The following AFG3L2 variants were observed in gnomAD, a reference collection of about 807,000 sequenced individuals.
AFG3L2 encodes mitochondrial inner membrane m-AAA protease component AFG3L2.
In AFG3L2, 54 loss-of-function variants were observed where a neutral mutation model predicts 94.5. The observed-to-expected ratio is 0.57, with a 90% CI of 0.46 to 0.72. The LOEUF (loss-of-function observed/expected upper bound fraction) is 0.72, where lower values mean the gene tolerates loss of function less well. AFG3L2 is among the 30% of genes least tolerant of loss of function. The probability of loss-of-function intolerance (pLI) is 0.00; values close to 1 mark genes in which losing one functional copy is unlikely to be tolerated. For missense variants in AFG3L2, 754 were observed against 994.9 expected, an observed-to-expected ratio of 0.76 and a Z score of 3.26; for synonymous variants, 377 against 365.5, an observed-to-expected ratio of 1.03 and a Z score of -0.36.
rs992286465 is a variant in AFG3L2 at position 12,358,541 on chromosome 18, T to C, written c.1026+129A>G. 9 of 1,234,500 alleles carry C rather than the reference T, an allele frequency of 7.3e-6. No homozygotes were observed. The Admixed American group carries it at 1.6e-4, about 22-fold the overall frequency. 76.5% of individuals were successfully genotyped at this position (1,234,500 alleles called of 1,614,324 possible). ...AACGATCCTCGAGTTGGGCAGAGGC[T>C]AGCCTAGTAAGCTGAGAAAGAGGAA... On this transcript the variant is annotated intron_variant, in intron 8 of 16. Coordinates refer to ENST00000269143, the MANE Select transcript of AFG3L2 (RefSeq NM_006796.3).
chr18:12,374,345 AG>A (rs1181994289), intron 1 of AFG3L2, among the ~76,000 whole-genome samples: 1 of 152,232 alleles, frequency 6.6e-6, no homozygotes, highest in African/African-American at 2.4e-5. Context: ...CTTTATCATC[AG>A]TCTTATTCCT....
At chr18:12,360,148 C>T in intron 6 of AFG3L2, 97 bp from the exon 7 acceptor site, 2 of 1,144,088 alleles carry the variant, frequency 1.7e-6, no homozygotes, top group South Asian at 2.8e-5. Context: ...TCCAGAAATA[C>T]TGAAAATTTA....
chr18:12,362,865 G>A (rs2143205182), intron 6 of AFG3L2, among the ~76,000 whole-genome samples: 1 of 147,370 alleles, frequency 6.8e-6, no homozygotes, highest in African/African-American at 2.7e-5. Flanking sequence ...GGGTGTGTGT[G>A]TGCTTCCCAC....
intron 15 of AFG3L2, 68 bp from the exon 16 acceptor site, chr18:12,337,603 G>C: frequency 6.7e-7 from 1 of 1,498,230 alleles, no homozygotes; most frequent in Non-Finnish European, 9.2e-7. Flanking sequence ...CTACACAGCA[G>C]CCTGGAGCCG....
At chr18:12,355,028 G>A (rs1908447097) in intron 9 of AFG3L2, among the ~76,000 whole-genome samples, 2 of 151,944 alleles carry the variant, frequency 1.3e-5, no homozygotes, top group Admixed American at 1.3e-4. Context: ...TACCAGCCTG[G>A]CCAACATAGT....
intron 3 of AFG3L2, among the ~76,000 whole-genome samples, chr18:12,369,265 A>T (rs1908903416): frequency 6.6e-6 from 1 of 151,876 alleles, no homozygotes; most frequent in Non-Finnish European, 1.5e-5. Context: ...AGACTCAAAG[A>T]CCACCTAGCA....
At chr18:12,369,171 C>A (rs566659836) in intron 3 of AFG3L2, among the ~76,000 whole-genome samples, 2 of 152,254 alleles carry the variant, frequency 1.3e-5, no homozygotes, top group South Asian at 4.1e-4. Flanking sequence ...GTGCAACACT[C>A]CAAACCACTC....
At chr18:12,369,540 G>A (rs1020385722) in intron 3 of AFG3L2, among the ~76,000 whole-genome samples, 2 of 151,476 alleles carry the variant, frequency 1.3e-5, no homozygotes, top group African/African-American at 4.9e-5. Context: ...AGACCAGCTT[G>A]GCCAACATGG....
chr18:12,330,727 G>A (rs1042495062), intron 16 of AFG3L2, among the ~76,000 whole-genome samples: 5 of 151,478 alleles, frequency 3.3e-5, no homozygotes, highest in Non-Finnish European at 7.4e-5. Flanking sequence ...GCAGTGAGCC[G>A]AGATCGCGCC....
chr18:12,337,276 CT>C (rs1907776633), intron 16 of AFG3L2, 64 bp downstream of exon 16: 1 of 1,430,620 alleles, frequency 7.0e-7, no homozygotes, highest in Non-Finnish European at 9.8e-7. Flanking sequence ...CCAAAACAGT[CT>C]ATCTATCACT....
At chr18:12,346,508 A>C (rs1249665342) in intron 13 of AFG3L2, among the ~76,000 whole-genome samples, 1 of 152,114 alleles carries the variant, frequency 6.6e-6, no homozygotes, top group African/African-American at 2.4e-5. Flanking sequence ...CTCCCCCCTG[A>C]TAAGCTGTGG....
At chr18:12,355,253 C>A (rs1214183143) in intron 9 of AFG3L2, among the ~76,000 whole-genome samples, 1 of 149,518 alleles carries the variant, frequency 6.7e-6, no homozygotes, top group Non-Finnish European at 1.5e-5. Flanking sequence ...ACCAAAAAAA[C>A]CCAATTAAAA....
At chr18:12,339,431 AATCC>A (rs1907866927) in intron 15 of AFG3L2, among the ~76,000 whole-genome samples, 1 of 151,458 alleles carries the variant, frequency 6.6e-6, no homozygotes, top group African/African-American at 2.4e-5. Context: ...ACATGAATGT[AATCC>A]CAGCTACTCA....
intron 9 of AFG3L2, among the ~76,000 whole-genome samples, chr18:12,356,487 A>C (rs527373938): frequency 6.6e-6 from 1 of 152,288 alleles, no homozygotes; most frequent in Non-Finnish European, 1.5e-5. Flanking sequence ...TAGGTAGCAG[A>C]CTGCAGTCCT....
At chr18:12,334,562 C>CT (rs749638004) in intron 16 of AFG3L2, among the ~76,000 whole-genome samples, 1 of 152,218 alleles carries the variant, frequency 6.6e-6, no homozygotes, top group Non-Finnish European at 1.5e-5. Context: ...TTATCACTCC[C>CT]TTTCCTCCCC....
intron 10 of AFG3L2, among the ~76,000 whole-genome samples, chr18:12,352,285 G>A (rs939468583): frequency 6.6e-6 from 1 of 152,184 alleles, no homozygotes; most frequent in Non-Finnish European, 1.5e-5. Flanking sequence ...GACCATCGCG[G>A]GACGGAGGAG....
intron 13 of AFG3L2, among the ~76,000 whole-genome samples, chr18:12,346,281 C>A (rs1369011311): frequency 1.3e-5 from 2 of 152,186 alleles, no homozygotes; most frequent in African/African-American, 4.8e-5. Flanking sequence ...CTCCCTCTCT[C>A]CCAGGAGGGT....
At chr18:12,340,444 A>G in intron 14 of AFG3L2, 43 bp from the exon 15 acceptor site, 5 of 1,444,228 alleles carry the variant, frequency 3.5e-6, no homozygotes, top group Non-Finnish European at 4.9e-6. Flanking sequence ...CTACAGATGA[A>G]GACTTGATCA....
Position 12,353,090 on chromosome 18 carries a change from C to T in AFG3L2, c.1233G>A (p.Ala411=), listed in dbSNP as rs774375813. 1.2e-5 allele frequency: 19 copies of T among 1,614,152 alleles called. No homozygotes were observed. Among genetic ancestry groups the T allele is most frequent in the East Asian group, 4.5e-5 (2 of 44,880 alleles). The change falls in exon 10 of 17, where the codon GCG becomes GCA. Residue 411 remains alanine (A), a synonymous_variant. Transcript: ENST00000269143. ...TGCCTCTTCCTCTCTTCCTTCCCACCGCATCGATTTCATCGATGAAGAGGA... is the reference window on the plus strand; with the variant it reads ...TGCCTCTTCCTCTCTTCCTTCCCACTGCATCGATTTCATCGATGAAGAGGA... ...PCILFIDEID[A]VGRKRGRGNF...
Sources: gnomAD v4.1 joint callset for allele counts (sites outside exome capture counted in the v4.1 genomes callset) on GRCh38, gnomAD v4.1.1 for gene constraint, MANE v1.5 for transcripts, NCBI Gene and HGNC (gene_info 2026-07-23, HGNC 2026-07-21) for gene names.